The following MAP3K13 variants were observed in gnomAD, a reference collection of about 807,000 sequenced individuals.
MAP3K13 encodes the protein leucine zipper-bearing kinase.
Under a neutral mutation model 104.0 loss-of-function variants are expected in MAP3K13, and 52 were observed. That is an observed-to-expected ratio of 0.50 (90% CI 0.40 to 0.63). The LOEUF is 0.63. MAP3K13 is among the 20% of genes least tolerant of loss of function. MAP3K13 has a pLI of 0.00. For synonymous variants in MAP3K13, 394 were observed against 442.2 expected (o/e 0.89, Z 1.37); for missense variants, 914 against 1,218.5 (o/e 0.75, Z 3.72).
chr3:185,375,213 C>T (rs536813936), intron 1 of MAP3K13, among the ~76,000 whole-genome samples: 1 of 152,272 alleles, frequency 6.6e-6, no homozygotes, highest in South Asian at 2.1e-4. Context: ...GTGGGAAAGG[C>T]CTCTACCCAT....
At chr3:185,298,198 GCTTT>G (rs2108677742) in intron 2 of MAP3K13, among the ~76,000 whole-genome samples, 1 of 152,130 alleles carries the variant, frequency 6.6e-6, no homozygotes, top group South Asian at 2.1e-4. Context: ...TTCTTAGAAA[GCTTT>G]CTCTTTTCTA....
intron 2 of MAP3K13, among the ~76,000 whole-genome samples, chr3:185,347,467 A>G (rs1191179015): frequency 1.3e-5 from 2 of 152,196 alleles, no homozygotes; most frequent in Non-Finnish European, 2.9e-5. Flanking sequence ...GGCCTGGAAT[A>G]ATTAATAGTT....
At position 185,370,789 on chromosome 3, in the gene MAP3K13, G is replaced by T. The variant is rs181407312; in HGVS notation, c.-86+7421G>T. On this transcript the variant is annotated intron_variant, in intron 1 of 13. Transcript: ENST00000265026. ...GCTTCCATTAGACTAGTGATTTGGT[G>T]ATCTGGGCTAATAGGGGATGTGGCT... Among the ~76,000 whole-genome samples the T allele has an allele frequency of 2.7e-5, 4 of 147,294 alleles. No homozygotes were observed. In the East Asian group the frequency reaches 6.2e-4, roughly 23 times the overall value.
At chr3:185,361,127 C>T (rs1035426368), upstream of MAP3K13, among the ~76,000 whole-genome samples, 5 of 145,270 alleles carry the variant, frequency 3.4e-5, no homozygotes, top group African/African-American at 1.3e-4. Context: ...TGTGTGTATA[C>T]ACACATATAT....
At chr3:185,356,308 A>G (rs1723349094) in intron 2 of MAP3K13, among the ~76,000 whole-genome samples, 1 of 152,222 alleles carries the variant, frequency 6.6e-6, no homozygotes, top group African/African-American at 2.4e-5. Flanking sequence ...AAGAGAATCA[A>G]TTAATGACAT....
intron 1 of MAP3K13, among the ~76,000 whole-genome samples, 176 bp downstream of exon 1, chr3:185,363,544 G>A (rs1305673974): frequency 6.6e-6 from 1 of 152,190 alleles, no homozygotes; most frequent in African/African-American, 2.4e-5. Flanking sequence ...AGGAGCCTCT[G>A]AAACTGACAG....
Position 185,482,250 on chromosome 3 carries a change from T to C in MAP3K13, c.2800-105T>C, listed in dbSNP as rs778027920. The stretch of plus-strand genomic sequence containing the variant: ...GGACAGGACCTGGTCTCGTTTACCT[T>C]TGTAGCCCCCTTACCAAGCACAGTG... On this transcript the variant is annotated intron_variant, in intron 13 of 13. Coordinates refer to ENST00000265026, the MANE Select transcript of MAP3K13 (RefSeq NM_004721.5). This position sits in a 1 kb window ranked among gnomAD's most constrained non-coding sequence, Gnocchi z 4.5. 4.0e-5 allele frequency: 32 copies of C among 799,632 alleles called. No individual in the cohort carries two copies. Among genetic ancestry groups the C allele is most frequent in the Non-Finnish European group, 5.4e-5 (25 of 459,622 alleles). 49.5% of individuals were successfully genotyped at this position (799,632 alleles called of 1,614,324 possible). A position where few individuals can be genotyped will look rare whatever the true frequency, so the allele number is the denominator to read the frequency against.
chr3:185,480,060 G>A, intron 12 of MAP3K13, 172 bp from the exon 13 acceptor site: 1 of 654,376 alleles, frequency 1.5e-6, no homozygotes, highest in Non-Finnish European at 2.7e-6. Flanking sequence ...ATAAAATTCA[G>A]TCCATTGCCT....
In MAP3K13 at chr3:185,443,566, A is replaced by G. The variant is rs780778687; in HGVS notation, c.781A>G (p.Thr261Ala). Residue 261 changes from threonine to alanine, a missense_variant, in exon 4 of 14, where the codon ACA (threonine) becomes GCA (alanine). By Grantham distance (58) the Thr-to-Ala change is moderately conservative (BLOSUM62 0). Transcript: ENST00000265026. ...ACCTCGATTGCTAGTAGACTGGTCCACAGGAATTGCAAGTGGAATGAATTA... is the reference window on the plus strand; with the variant it reads ...ACCTCGATTGCTAGTAGACTGGTCCGCAGGAATTGCAAGTGGAATGAATTA... ...ITPRLLVDWS[T>A]GIASGMNYLH... 1 of 1,614,194 alleles carries G rather than the reference A, an allele frequency of 6.2e-7. No homozygotes were observed. The highest frequency in any genetic ancestry group is 8.5e-7 in the Non-Finnish European group (1 of 1,180,000).
intron 1 of MAP3K13, among the ~76,000 whole-genome samples, chr3:185,405,584 T>C (rs578038134): frequency 3.9e-5 from 6 of 152,350 alleles, no homozygotes; most frequent in Admixed American, 3.9e-4. Context: ...ATATGTCTTC[T>C]TCCAGACAGC....
intron 2 of MAP3K13, among the ~76,000 whole-genome samples, chr3:185,294,231 G>A (rs1720842210): frequency 1.3e-5 from 2 of 152,104 alleles, no homozygotes; most frequent in Admixed American, 6.6e-5. Context: ...ACATTAACTT[G>A]TTCAACTGTT....
chr3:185,370,145 A>G (rs1724081722), intron 1 of MAP3K13, among the ~76,000 whole-genome samples: 1 of 152,158 alleles, frequency 6.6e-6, no homozygotes, highest in African/African-American at 2.4e-5. Context: ...ACAATTTCTA[A>G]GGCAATCTGG....
chr3:185,360,659 G>A (rs901674930), upstream of MAP3K13, among the ~76,000 whole-genome samples: 1 of 151,922 alleles, frequency 6.6e-6, no homozygotes, highest in Non-Finnish European at 1.5e-5. Context: ...TTATTTTCCA[G>A]GTTATATATT....
intron 1 of MAP3K13, among the ~76,000 whole-genome samples, chr3:185,400,505 T>C (rs1195102894): frequency 1.3e-5 from 2 of 152,220 alleles, no homozygotes; most frequent in Admixed American, 6.5e-5. Flanking sequence ...ATGATTAACA[T>C]AGCATTTGTT....
At chr3:185,470,216 G>T (rs886608349) in intron 10 of MAP3K13, among the ~76,000 whole-genome samples, 2 of 152,186 alleles carry the variant, frequency 1.3e-5, no homozygotes, top group Admixed American at 1.3e-4. Flanking sequence ...ATGCTGACTT[G>T]TGTCTTTCTG....
At chr3:185,381,049 G>T (rs538488847) in intron 1 of MAP3K13, among the ~76,000 whole-genome samples, 2 of 149,782 alleles carry the variant, frequency 1.3e-5, no homozygotes, top group Admixed American at 1.3e-4. Flanking sequence ...TGCAACCTCC[G>T]CCTCCCAGAT....
chr3:185,355,565 G>T (rs978843350), intron 2 of MAP3K13, among the ~76,000 whole-genome samples: 2 of 152,158 alleles, frequency 1.3e-5, no homozygotes, highest in Non-Finnish European at 2.9e-5. Context: ...AACCTAGGAG[G>T]CAGAGGTTTC....
At position 185,376,475 on chromosome 3, in the gene MAP3K13, G is replaced by A. The variant is rs558776745; in HGVS notation, c.-86+13107G>A. On this transcript the variant is annotated intron_variant, in intron 1 of 13. Coordinates refer to ENST00000265026, the MANE Select transcript of MAP3K13 (RefSeq NM_004721.5). ...TGTTTGGACAGAAAGGCTACAGGGC[G>A]CAGTCCCGGCTCTTGTGTGAGAACT... is the stretch of plus-strand genomic sequence containing the variant. Among the ~76,000 whole-genome samples the A allele has an allele frequency of 3.3e-5, 5 of 152,266 alleles. 1 individual carries two copies. Among genetic ancestry groups the A allele is most frequent in the Middle Eastern group, 6.8e-3 (2 of 294 alleles).
intron 2 of MAP3K13, among the ~76,000 whole-genome samples, chr3:185,354,343 A>G (rs1723260313): frequency 6.7e-6 from 1 of 149,652 alleles, no homozygotes; most frequent in Non-Finnish European, 1.5e-5. Flanking sequence ...AACCGGGGCA[A>G]CGGCAATCCA....
Sources: gnomAD v4.1 joint callset for allele counts (sites outside exome capture counted in the v4.1 genomes callset) on GRCh38, gnomAD v4.1.1 for gene constraint, Gnocchi (gnomAD v3.1) non-coding constraint, MANE v1.5 for transcripts, NCBI Gene and HGNC (gene_info 2026-07-23, HGNC 2026-07-21) for gene names.